Variants in AASS observed in about 807,000 individuals in gnomAD.
AASS encodes aminoadipate-semialdehyde synthase.
In AASS, 86 loss-of-function variants were observed where a neutral mutation model predicts 105.4. That is an observed-to-expected ratio of 0.82 (90% CI 0.69 to 0.98). The LOEUF is 0.98. Ranked by LOEUF, AASS falls within the 50% of genes least tolerant of loss-of-function variation. The pLI is 0.00. For missense variants in AASS, 1,048 were observed against 1,143.2 expected, an observed-to-expected ratio of 0.92 and a Z score of 1.20; for synonymous variants, 381 against 394.8, an observed-to-expected ratio of 0.96 and a Z score of 0.41.
chr7:122,097,577 T>C (rs1007265111), intron 15 of AASS, among the ~76,000 whole-genome samples: 8 of 152,014 alleles, frequency 5.3e-5, no homozygotes, highest in Admixed American at 4.6e-4. Context: ...TTTGTGTACA[T>C]ATGTACTCAA....
At chr7:122,079,115 A>G (rs765465312) in intron 21 of AASS, 165 bp from the exon 22 acceptor site, 86 of 1,518,172 alleles carry the variant, frequency 5.7e-5, no homozygotes, top group Non-Finnish European at 6.9e-5. Flanking sequence ...AACAATAGCA[A>G]TGTTTTAACC....
rs561997736 is a variant in AASS at position 122,096,803 on chromosome 7, T to C, written c.1655+1647A>G. Among the ~76,000 whole-genome samples, 15 of 152,208 alleles carry C rather than the reference T, an allele frequency of 9.9e-5. 1 individual carries two copies. The highest frequency in any genetic ancestry group is 2.2e-4 in the Non-Finnish European group (15 of 67,996). On this transcript the variant is annotated intron_variant, in intron 15 of 23. Transcript: ENST00000417368. ...GCTAAATTTTAAAATTTGGACATATTAAGAGATTGATGTCTTTGTCCATTA... is the reference window on the plus strand; with the variant it reads ...GCTAAATTTTAAAATTTGGACATATCAAGAGATTGATGTCTTTGTCCATTA...
chr7:122,083,534 C>T (rs896393468), intron 19 of AASS, among the ~76,000 whole-genome samples: 5 of 152,036 alleles, frequency 3.3e-5, no homozygotes, highest in Admixed American at 1.3e-4. Context: ...CATGCAGAAA[C>T]TGCAGTCAAC....
chr7:122,093,225 T>C (rs552356167), intron 15 of AASS, 67 bp from the exon 16 acceptor site: 71 of 1,166,670 alleles, frequency 6.1e-5, no homozygotes, highest in Middle Eastern at 1.9e-4. Flanking sequence ...GTACTTGAAC[T>C]GTATTAAAGC....
Position 122,091,770 on chromosome 7 carries a change from A to T in AASS, c.1949T>A (p.Phe650Tyr), listed in dbSNP as rs1793913710. ...EHSNNPLRYK[F>Y]SWSPVGVLMN... ...CAAAACTCCCACTGGACTCCAGCTA[A>T]ATTTATATCTCAATGGATTGTTTGA... Residue 650 changes from phenylalanine to tyrosine, a missense_variant, in exon 18 of 24, where the codon TTT becomes TAT. By Grantham distance (22) the Phe-to-Tyr change is conservative. Coordinates refer to ENST00000417368, the MANE Select transcript of AASS (RefSeq NM_005763.4). The T allele has an allele frequency of 6.2e-7, 1 of 1,613,456 alleles. No homozygotes were observed. Among genetic ancestry groups the T allele is most frequent in the African/African-American group, 1.3e-5 (1 of 74,922 alleles).
At position 122,076,482 on chromosome 7, in the gene AASS, T is replaced by A; in HGVS notation, c.*7A>T. 6.3e-7 allele frequency: 1 copy of A among 1,591,502 alleles called. No individual in the cohort carries two copies. The highest frequency in any genetic ancestry group is 8.6e-7 in the Non-Finnish European group (1 of 1,159,424). The stretch of plus-strand genomic sequence containing the variant: ...CTGGGAAGAAAAAAACAAAATATAA[T>A]TCCCAATTATGGTTTAATTGTACTC... On this transcript the variant is annotated 3_prime_UTR_variant, in exon 24 of 24. Coordinates refer to ENST00000417368, the MANE Select transcript of AASS (RefSeq NM_005763.4).
intron 15 of AASS, among the ~76,000 whole-genome samples, chr7:122,094,132 C>T (rs1794033030): frequency 6.6e-6 from 1 of 152,116 alleles, no homozygotes; most frequent in Non-Finnish European, 1.5e-5. Context: ...GAAAAACAAC[C>T]TACTGGGTAC....
chr7:122,114,228 C>T (rs1376804970), intron 9 of AASS, among the ~76,000 whole-genome samples: 1 of 152,180 alleles, frequency 6.6e-6, no homozygotes, highest in East Asian at 1.9e-4. Context: ...TAGACTGACA[C>T]ATTCAGCACC....
In AASS at chr7:122,093,120, G is replaced by A; in HGVS notation, c.1694C>T (p.Ala565Val). Reference protein sequence around the residue: ...PYVLHPLVAKACITNKVNMVT... With the variant: ...PYVLHPLVAKVCITNKVNMVT... ...CATGTTAACTTTGTTTGTGATGCAGGCCTTGGCCACAAGAGGGTGCAATAC... is the reference window on the plus strand; with the variant it reads ...CATGTTAACTTTGTTTGTGATGCAGACCTTGGCCACAAGAGGGTGCAATAC... Residue 565 changes from alanine (A) to valine (V), a missense_variant, in exon 16 of 24, where the codon GCC (alanine) becomes GTC (valine). Transcript: ENST00000417368. 1 of 1,613,926 alleles carries A rather than the reference G, an allele frequency of 6.2e-7. No homozygotes were observed.
chr7:122,085,814 A>G (rs746186212), intron 19 of AASS, among the ~76,000 whole-genome samples, 198 bp downstream of exon 19: 1 of 151,834 alleles, frequency 6.6e-6, no homozygotes, highest in Non-Finnish European at 1.5e-5. Context: ...CCTGTCCCCA[A>G]CTCCTAATGA....
chr7:122,101,327 A>G, intron 13 of AASS, 44 bp downstream of exon 13: 1 of 1,452,744 alleles, frequency 6.9e-7, no homozygotes, highest in Non-Finnish European at 9.7e-7. Flanking sequence ...GAATTCCAAG[A>G]TAAGAATAAA....
intron 15 of AASS, among the ~76,000 whole-genome samples, chr7:122,094,580 G>A (rs1441346912): frequency 1.3e-5 from 2 of 152,040 alleles, no homozygotes; most frequent in Non-Finnish European, 2.9e-5. Flanking sequence ...GTAATTGACA[G>A]GGTATTTTAT....
Position 122,073,997 on chromosome 7 carries a change from C to A in AASS, c.*2492G>T, listed in dbSNP as rs1792886484. On this transcript the variant is annotated 3_prime_UTR_variant, in exon 24 of 24. Transcript: ENST00000417368. ...ACTTGTTAGTTGATAGAAATTAGGG[C>A]TGTTTCAATTTTGGGCTATTATAAA... is the stretch of plus-strand genomic sequence containing the variant. 6.6e-6 allele frequency among the ~76,000 whole-genome samples: 1 copy of A among 151,994 alleles called. No individual in the cohort carries two copies. Among genetic ancestry groups the A allele is most frequent in the Non-Finnish European group, 1.5e-5 (1 of 68,032 alleles).
Position 122,113,135 on chromosome 7 carries a change from G to T in AASS, c.1261C>A (p.Pro421Thr). 6.2e-7 allele frequency: 1 copy of T among 1,613,770 alleles called. No individual in the cohort carries two copies. Among genetic ancestry groups the T allele is most frequent in the Non-Finnish European group, 8.5e-7 (1 of 1,179,762 alleles). Residue 421 changes from proline to threonine, a missense_variant, in exon 11 of 24, where the codon CCT (proline) becomes ACT (threonine). Physicochemically the swap from Pro to Thr is conservative, Grantham distance 38 (BLOSUM62 -1). Coordinates refer to ENST00000417368, the MANE Select transcript of AASS (RefSeq NM_005763.4). ...ATECFGDMLY[P>T]YVEEMILSDA... ...CTGCTTACCATTTCTTCAACATAAGGGTAAAGCATGTCTCCAAAGCATTCT... is the reference window on the plus strand; with the variant it reads ...CTGCTTACCATTTCTTCAACATAAGTGTAAAGCATGTCTCCAAAGCATTCT...
At chr7:122,116,491 C>A in intron 8 of AASS, 142 bp downstream of exon 8, 1 of 1,059,244 alleles carries the variant, frequency 9.4e-7, no homozygotes, top group East Asian at 2.5e-5. Context: ...GATGATAGCT[C>A]CAAAGGCCAA....
intron 19 of AASS, chr7:122,082,976 G>T: frequency 1.3e-6 from 1 of 788,900 alleles, no homozygotes; most frequent in Non-Finnish European, 1.9e-6. Flanking sequence ...TCCCCAGTGT[G>T]CAAATGGGAA....
At chr7:122,093,358 G>A (rs1793996978) in intron 15 of AASS, among the ~76,000 whole-genome samples, 200 bp from the exon 16 acceptor site, 1 of 152,214 alleles carries the variant, frequency 6.6e-6, no homozygotes, top group African/African-American at 2.4e-5. Context: ...TTCTCAAAGA[G>A]CTAAAGGTTG....
intron 19 of AASS, among the ~76,000 whole-genome samples, chr7:122,083,665 T>C (rs1793486518): frequency 6.6e-6 from 1 of 152,068 alleles, no homozygotes; most frequent in African/African-American, 2.4e-5. Flanking sequence ...GAGGAAAACA[T>C]AGCTGTGGGA....
At chr7:122,132,389 A>T (rs907186243) in intron 2 of AASS, among the ~76,000 whole-genome samples, 3 of 152,234 alleles carry the variant, frequency 2.0e-5, no homozygotes, top group Non-Finnish European at 4.4e-5. Context: ...ATCACTTCAC[A>T]AGTCTCCATG....
Sources: gnomAD v4.1 joint callset for allele counts (sites outside exome capture counted in the v4.1 genomes callset) on GRCh38, gnomAD v4.1.1 for gene constraint, MANE v1.5 for transcripts, NCBI Gene and HGNC (gene_info 2026-07-23, HGNC 2026-07-21) for gene names.